Variants in COL3A1 observed in about 807,000 individuals in gnomAD.
The protein encoded by COL3A1 is collagen type III alpha 1 chain, also known as collagen alpha-1(III) chain.
In COL3A1, 46 loss-of-function variants were observed where a neutral mutation model predicts 200.9. That is an observed-to-expected ratio of 0.23 (90% CI 0.18 to 0.29). The LOEUF is 0.29. COL3A1 is among the 10% of genes least tolerant of loss of function. COL3A1 has a pLI of 1.00. For synonymous variants in COL3A1, 650 were observed against 628.0 expected, an observed-to-expected ratio of 1.03 and a Z score of -0.52; for missense variants, 1,367 against 1,917.6, an observed-to-expected ratio of 0.71 and a Z score of 5.36.
At chr2:189,010,042 G>A in intron 48 of COL3A1, 136 bp from the exon 49 acceptor site, 1 of 794,410 alleles carries the variant, frequency 1.3e-6, no homozygotes, top group Non-Finnish European at 2.0e-6. Context: ...CAATCAAAAA[G>A]CTTCTCTATC....
At position 189,011,759 on chromosome 2, in the gene COL3A1, T is replaced by A. The variant is rs1576474951; in HGVS notation, c.4386T>A (p.Pro1462=). Residue 1462 remains proline, a synonymous_variant, in exon 51 of 51, where the codon CCT becomes CCA. Coordinates refer to ENST00000304636, the MANE Select transcript of COL3A1 (RefSeq NM_000090.4). ...AAGAATTTGGTGTGGACGTTGGCCC[T>A]GTTTGCTTTTTATAAACCAAACTCT... ...PDQEFGVDVG[P]VCFL 5 of 1,613,878 alleles carry A rather than the reference T, an allele frequency of 3.1e-6. No individual in the cohort carries two copies. The highest frequency in any genetic ancestry group is 3.4e-6 in the Non-Finnish European group (4 of 1,179,868).
intron 21 of COL3A1, 159 bp from the exon 22 acceptor site, chr2:188,995,533 T>G: frequency 1.6e-6 from 1 of 607,876 alleles, no homozygotes; most frequent in South Asian, 2.2e-5. Context: ...AATATGGCAA[T>G]CCAAGCTAAG....
rs1373257114 is a variant in COL3A1 at position 188,996,481 on chromosome 2, T to C, written c.1746T>C (p.Gly582=). The C allele has an allele frequency of 2.5e-6, 4 of 1,613,642 alleles. No homozygotes were observed. The Admixed American group carries it at 5.0e-5, about 20-fold the overall frequency. The change falls in exon 24 of 51, where the codon GGT becomes GGC. Residue 582 remains glycine (G), a synonymous_variant. Transcript: ENST00000304636. ...RGQPGVMGFP[G]PKGNDGAPGK... Reference sequence around the variant, plus strand: ...AGCCTGGTGTCATGGGCTTCCCCGGTCCTAAAGGAAATGATGTGAGTTCCT... The same window carrying C: ...AGCCTGGTGTCATGGGCTTCCCCGGCCCTAAAGGAAATGATGTGAGTTCCT...
intron 4 of COL3A1, among the ~76,000 whole-genome samples, chr2:188,985,981 C>T (rs373601755): frequency 5.9e-5 from 9 of 152,096 alleles, no homozygotes; most frequent in Admixed American, 2.6e-4. Context: ...CCTCATAATG[C>T]TAATGTCATT....
chr2:188,997,256 T>G, intron 25 of COL3A1, 38 bp downstream of exon 25: 5 of 1,613,552 alleles, frequency 3.1e-6, no homozygotes, highest in Non-Finnish European at 4.2e-6. Context: ...AGCCTTCTAA[T>G]AGATGCGTTC....
At chr2:188,996,527 T>C in intron 24 of COL3A1, 31 bp downstream of exon 24, 1 of 1,565,770 alleles carries the variant, frequency 6.4e-7, no homozygotes, top group Non-Finnish European at 8.8e-7. Context: ...CTTCAATAAA[T>C]ATTTGACTGG....
At chr2:188,997,278 T>G in intron 25 of COL3A1, 58 bp from the exon 26 acceptor site, 1 of 1,612,838 alleles carries the variant, frequency 6.2e-7, no homozygotes, top group Non-Finnish European at 8.5e-7. Context: ...TCTCCAACCT[T>G]CTGACTTCTC....
rs1036017616 is a variant in COL3A1 at position 189,009,583 on chromosome 2, A to C, written c.3823+362A>C. Among the ~76,000 whole-genome samples, 3 of 152,184 alleles carry C rather than the reference A, an allele frequency of 2.0e-5. No individual in the cohort carries two copies. In the South Asian group the frequency reaches 6.2e-4, roughly 32 times the overall value. ...AATATTTACTTATTGCAATGAATCTAATTATTAAAATTTTCAAATTAAACA... is the reference window on the plus strand; with the variant it reads ...AATATTTACTTATTGCAATGAATCTCATTATTAAAATTTTCAAATTAAACA... On this transcript the variant is annotated intron_variant, in intron 48 of 50. Transcript: ENST00000304636.
intron 47 of COL3A1, 92 bp downstream of exon 47, chr2:189,008,234 A>G (rs1379253658): frequency 9.6e-6 from 10 of 1,039,306 alleles, no homozygotes; most frequent in African/African-American, 1.6e-5. Flanking sequence ...TGAAATAGAG[A>G]GACGCAATGC....
At position 188,994,296 on chromosome 2, in the gene COL3A1, C is replaced by G. The variant is rs41272837; in HGVS notation, c.1257C>G (p.Ala419=). The G allele has an allele frequency of 1.2e-6, 2 of 1,613,710 alleles. No homozygotes were observed. Among genetic ancestry groups the G allele is most frequent in the Admixed American group, 1.7e-5 (1 of 60,010 alleles). The change falls in exon 18 of 51, where the codon GCC becomes GCG. Residue 419 remains alanine (A), a synonymous_variant. Coordinates refer to ENST00000304636, the MANE Select transcript of COL3A1 (RefSeq NM_000090.4). This position sits in a 1 kb window ranked among gnomAD's most constrained non-coding sequence, Gnocchi z 4.5. ...LMGARGPPGP[A]GANGAPGLRG... is the part of the protein sequence containing the mutation. ...GAGCCCGGGGTCCTCCAGGACCAGC[C>G]GGTGCTAATGGTGCTCCTGGACTGC...
At position 189,010,548 on chromosome 2, in the gene COL3A1, A is replaced by G. The variant is rs2153504294; in HGVS notation, c.4012-100A>G. The G allele has an allele frequency of 3.9e-6, 6 of 1,532,600 alleles. No individual in the cohort carries two copies. In the South Asian group the frequency reaches 5.7e-5, roughly 15 times the overall value. 94.9% of individuals were successfully genotyped at this position (1,532,600 alleles called of 1,614,324 possible). ...TAAAATACTCGTACATAAAATATAT[A>G]AACAGCCCATATTACAATATGCATA... On this transcript the variant is annotated intron_variant, in intron 49 of 50. Coordinates refer to ENST00000304636, the MANE Select transcript of COL3A1 (RefSeq NM_000090.4).
intron 45 of COL3A1, 65 bp from the exon 46 acceptor site, chr2:189,007,820 T>C: frequency 1.3e-6 from 2 of 1,571,118 alleles, no homozygotes; most frequent in South Asian, 2.2e-5. Flanking sequence ...GATCTGATCT[T>C]GAATGTACAG....
intron 35 of COL3A1, 22 bp downstream of exon 35, chr2:189,002,373 T>C (rs1447074680): frequency 6.2e-7 from 1 of 1,608,178 alleles, no homozygotes; most frequent in East Asian, 2.2e-5. Context: ...TATTTATACA[T>C]ACATGTCCCA....
chr2:189,005,715 C>A, intron 41 of COL3A1: 1 of 450,250 alleles, frequency 2.2e-6, no homozygotes. Context: ...GTGGGGAGAA[C>A]CACAATTGAC....
chr2:188,975,111 A>G (rs1360002995), intron 1 of COL3A1, among the ~76,000 whole-genome samples: 1 of 152,254 alleles, frequency 6.6e-6, no homozygotes, highest in Non-Finnish European at 1.5e-5. Context: ...CATTCTTCAA[A>G]GGGATCAAAC....
Position 189,010,261 on chromosome 2 carries a change from A to C in COL3A1, c.3907A>C (p.Ile1303Leu). The C allele has an allele frequency of 6.2e-7, 1 of 1,614,224 alleles. No homozygotes were observed. The highest frequency in any genetic ancestry group is 8.5e-7 in the Non-Finnish European group (1 of 1,180,012). ...FCNMETGETCISANPLNVPRK... is the reference protein window; with the variant it reads ...FCNMETGETCLSANPLNVPRK... ...TAATATGGAAACTGGGGAAACATGC[A>C]TAAGTGCCAATCCTTTGAATGTTCC... is the stretch of plus-strand genomic sequence containing the variant. Residue 1303 changes from isoleucine (I) to leucine (L), a missense_variant, in exon 49 of 51, where the codon ATA (isoleucine) becomes CTA (leucine). By Grantham distance (5) the Ile-to-Leu change is conservative. Transcript: ENST00000304636.
rs1011321956 is a variant in COL3A1, at chr2:188,999,714, A to G, written c.2230-128A>G. 5 of 1,353,352 alleles carry G rather than the reference A, an allele frequency of 3.7e-6. No individual in the cohort carries two copies. In the Admixed American group the frequency reaches 5.9e-5, roughly 16 times the overall value. 83.8% of individuals were successfully genotyped at this position (1,353,352 alleles called of 1,614,324 possible). On this transcript the variant is annotated intron_variant, in intron 31 of 50. Coordinates refer to ENST00000304636, the MANE Select transcript of COL3A1 (RefSeq NM_000090.4). ...TTATAGTAAGTGAAATTTAAGATGG[A>G]TTCCTAAAGCAACAATGAATTAGAA... is the stretch of plus-strand genomic sequence containing the variant.
At chr2:188,988,688 A>G (rs3134659) in intron 7 of COL3A1, 45 bp downstream of exon 7, 1 of 1,322,082 alleles carries the variant, frequency 7.6e-7, no homozygotes, top group Non-Finnish European at 1.1e-6. Context: ...ATAATTCCAT[A>G]TGGAACCTAC....
In COL3A1 at chr2:188,995,029, T is replaced by C. The variant is rs781594772; in HGVS notation, c.1456-17T>C. ...GAAATCCTTTGGACTGAAATACTTG[T>C]CTTTCATTATTTTCAGGGTGCCCCT... On this transcript the variant is annotated splice_polypyrimidine_tract_variant and intron_variant, in intron 20 of 50. Transcript: ENST00000304636. 1.9e-6 allele frequency: 3 copies of C among 1,613,842 alleles called. No homozygotes were observed. The highest frequency in any genetic ancestry group is 2.5e-6 in the Non-Finnish European group (3 of 1,179,688).
Sources: allele counts gnomAD v4.1 joint callset (sites outside exome capture counted in the v4.1 genomes callset), GRCh38; gene constraint gnomAD v4.1.1; non-coding constraint Gnocchi (gnomAD v3.1); transcripts MANE v1.5; gene names NCBI Gene and HGNC (gene_info 2026-07-23, HGNC 2026-07-21).